Variants in KCNK2 observed in about 807,000 individuals in gnomAD.
KCNK2 encodes potassium channel subfamily K member 2.
KCNK2 carries 21 observed loss-of-function variants against 40.5 expected under a neutral mutation model. That is an observed-to-expected ratio of 0.52 (90% CI 0.37 to 0.75). The LOEUF is 0.75. Among genes scored for constraint, KCNK2 ranks in the 30% least tolerant of loss-of-function variants. The pLI is 0.00. For missense variants in KCNK2, 399 were observed against 531.6 expected (o/e 0.75, Z 2.45); for synonymous variants, 191 against 202.2 (o/e 0.94, Z 0.47).
At chr1:215,149,865 C>T (rs1204726123) in intron 3 of KCNK2, among the ~76,000 whole-genome samples, 4 of 152,118 alleles carry the variant, frequency 2.6e-5, no homozygotes, top group Admixed American at 2.6e-4. Flanking sequence ...TTCTTGAAAA[C>T]CTCAACATTC....
rs543605931 is a variant in KCNK2 at position 215,038,061 on chromosome 1, T to A, written c.34+32106T>A. Among the ~76,000 whole-genome samples the A allele has an allele frequency of 2.6e-5, 4 of 152,170 alleles. No individual in the cohort carries two copies. The East Asian group carries it at 7.7e-4, about 29-fold the overall frequency. On this transcript the variant is annotated intron_variant, in intron 1 of 6. Coordinates refer to the KCNK2 transcript ENST00000391895. ...AGATTCTAGCTCTTCAGTCTCCTTA[T>A]GTTCTCCTAATCTTGGGGCAAGAGC...
intron 6 of KCNK2, among the ~76,000 whole-genome samples, chr1:215,232,291 T>C (rs191543186): frequency 6.6e-6 from 1 of 152,286 alleles, no homozygotes; most frequent in Admixed American, 6.5e-5. Context: ...TAATGAGTAC[T>C]AACATGATAA....
intron 1 of KCNK2, among the ~76,000 whole-genome samples, chr1:215,013,109 A>G: frequency 6.6e-6 from 1 of 151,888 alleles, no homozygotes; most frequent in East Asian, 1.9e-4. Context: ...AATATTTGTA[A>G]TTTTGTGTTT....
At chr1:215,027,558 A>T (rs1171765519) in intron 1 of KCNK2, among the ~76,000 whole-genome samples, 2 of 152,218 alleles carry the variant, frequency 1.3e-5, no homozygotes, top group Non-Finnish European at 2.9e-5. Context: ...CTCTTCTTGC[A>T]CACCCAGAGT....
intron 1 of KCNK2, among the ~76,000 whole-genome samples, chr1:215,010,833 T>A (rs1656349184): frequency 6.7e-6 from 1 of 150,116 alleles, no homozygotes; most frequent in Non-Finnish European, 1.5e-5. Context: ...GGTAGGATTG[T>A]CTGCTCACAG....
chr1:215,231,844 G>A (rs1347452684), intron 6 of KCNK2, among the ~76,000 whole-genome samples: 2 of 152,152 alleles, frequency 1.3e-5, no homozygotes, highest in Non-Finnish European at 2.9e-5. Context: ...AGAGCAAAGG[G>A]ACTTCTTACG....
chr1:215,230,482 C>T (rs574242331), intron 6 of KCNK2, among the ~76,000 whole-genome samples: 2,277 of 122,916 alleles, frequency 0.019, 81 homozygotes, highest in African/African-American at 0.067. Flanking sequence ...TATATATACA[C>T]ACACACACAC....
intron 1 of KCNK2, among the ~76,000 whole-genome samples, chr1:215,071,812 A>G (rs927466203): frequency 1.3e-5 from 2 of 152,048 alleles, no homozygotes; most frequent in African/African-American, 4.8e-5. Context: ...AGGAAGGGGG[A>G]ATCAATGCAA....
At chr1:215,043,598 A>G (rs946299183) in intron 1 of KCNK2, among the ~76,000 whole-genome samples, 36 of 152,334 alleles carry the variant, frequency 2.4e-4, no homozygotes, top group African/African-American at 7.5e-4. Flanking sequence ...AGTCAGAATC[A>G]TAGAGACAGA....
intron 6 of KCNK2, among the ~76,000 whole-genome samples, chr1:215,212,436 G>T (rs1469294538): frequency 6.6e-6 from 1 of 152,128 alleles, no homozygotes; most frequent in Non-Finnish European, 1.5e-5. Context: ...GATTTGAAAG[G>T]TGAAATCTAT....
At chr1:215,200,312 C>CAT (rs1244146486) in intron 6 of KCNK2, among the ~76,000 whole-genome samples, 1 of 152,154 alleles carries the variant, frequency 6.6e-6, no homozygotes, top group African/African-American at 2.4e-5. Context: ...CTGGTGGCAG[C>CAT]ATTTGGTCTC....
chr1:215,015,641 T>C (rs936178044), intron 1 of KCNK2, among the ~76,000 whole-genome samples: 9 of 152,136 alleles, frequency 5.9e-5, no homozygotes, highest in Non-Finnish European at 1.2e-4. Context: ...CCATGGAGCT[T>C]CAATTCTTTG....
intron 1 of KCNK2, among the ~76,000 whole-genome samples, chr1:215,022,130 A>ATCTATCTATCTATCTAG (rs1558059696): frequency 0.094 from 1,616 of 17,264 alleles, 28 homozygotes; most frequent in East Asian, 0.26. Flanking sequence ...TATCTATCTA[A>ATCTATCTATCTATCTAG]TCATCTATCT....
intron 2 of KCNK2, among the ~76,000 whole-genome samples, chr1:215,108,997 C>CTA (rs901945274): frequency 6.0e-5 from 9 of 151,204 alleles, no homozygotes; most frequent in Non-Finnish European, 1.2e-4. Context: ...AGTGAATGAA[C>CTA]TATATATATA....
At chr1:215,064,549 C>T (rs1477748810) in intron 1 of KCNK2, among the ~76,000 whole-genome samples, 1 of 152,140 alleles carries the variant, frequency 6.6e-6, no homozygotes, top group African/African-American at 2.4e-5. Flanking sequence ...TTCCAACCGG[C>T]CTGGACTTGT....
chr1:215,139,504 C>T (rs1179354866), intron 3 of KCNK2, among the ~76,000 whole-genome samples: 2 of 152,132 alleles, frequency 1.3e-5, no homozygotes, highest in African/African-American at 4.8e-5. Context: ...ATATACATGG[C>T]TGGGTGTGGT....
At chr1:215,131,803 A>G (rs953593534) in intron 3 of KCNK2, among the ~76,000 whole-genome samples, 6 of 152,096 alleles carry the variant, frequency 3.9e-5, no homozygotes, top group African/African-American at 1.2e-4. Flanking sequence ...CTTATTTTCT[A>G]TCACCGGAGT....
chr1:215,083,642 C>G, intron 1 of KCNK2: 1 of 604,980 alleles, frequency 1.7e-6, no homozygotes, highest in Non-Finnish European at 2.9e-6. Context: ...CGCCGGTGCC[C>G]GGGGTTTTTG....
chr1:215,097,421 T>G (rs1233442079), intron 2 of KCNK2, among the ~76,000 whole-genome samples: 2 of 151,550 alleles, frequency 1.3e-5, no homozygotes, highest in African/African-American at 4.8e-5. Flanking sequence ...TTACTTTCCT[T>G]TTTTTCTTAA....
Sources: allele counts gnomAD v4.1 joint callset (sites outside exome capture counted in the v4.1 genomes callset), GRCh38; gene constraint gnomAD v4.1.1; transcripts MANE v1.5; gene names NCBI Gene and HGNC (gene_info 2026-07-23, HGNC 2026-07-21).